MYO7B: variants seen among roughly 807,000 people sequenced by gnomAD.
MYO7B encodes myosin VIIB, also known as unconventional myosin-VIIb.
Under a neutral mutation model 259.7 loss-of-function variants are expected in MYO7B, and 212 were observed. That is an observed-to-expected ratio of 0.82 (90% CI 0.73 to 0.91). MYO7B has a LOEUF of 0.91. MYO7B is among the 40% of genes least tolerant of loss of function. MYO7B has a pLI of 0.00. For synonymous variants in MYO7B, 1,197 were observed against 1,166.4 expected (o/e 1.03, Z -0.54); for missense variants, 2,732 against 2,813.5 (o/e 0.97, Z 0.66).
At chr2:127,547,514 G>T (rs2104809150) in intron 1 of MYO7B, among the ~76,000 whole-genome samples, 1 of 152,316 alleles carries the variant, frequency 6.6e-6, no homozygotes, top group African/African-American at 2.4e-5. Context: ...CTGGGGGGAA[G>T]AGGTAAGATA....
intron 17 of MYO7B, 83 bp from the exon 18 acceptor site, chr2:127,593,463 G>A: frequency 3.0e-6 from 4 of 1,337,278 alleles, no homozygotes; most frequent in Non-Finnish European, 4.2e-6. Context: ...GCCTGTGGGA[G>A]AAGGAGGGAG....
chr2:127,575,021 T>TGC (rs1678806387), intron 7 of MYO7B, among the ~76,000 whole-genome samples: 1 of 151,786 alleles, frequency 6.6e-6, no homozygotes, highest in Non-Finnish European at 1.5e-5. Context: ...TGCAAATGAG[T>TGC]GCACACACAC....
chr2:127,560,822 C>T (rs1678054436), intron 2 of MYO7B, among the ~76,000 whole-genome samples: 1 of 152,204 alleles, frequency 6.6e-6, no homozygotes, highest in African/African-American at 2.4e-5. Flanking sequence ...CACAGGACAT[C>T]GTTCCTGGCT....
intron 20 of MYO7B, among the ~76,000 whole-genome samples, chr2:127,606,824 G>A (rs1260985241): frequency 1.3e-5 from 2 of 152,232 alleles, no homozygotes; most frequent in Non-Finnish European, 1.5e-5. Context: ...CCACACGGGT[G>A]TGCTAGCCCG....
At chr2:127,610,819 C>T (rs1302949589) in intron 24 of MYO7B, among the ~76,000 whole-genome samples, 3 of 152,250 alleles carry the variant, frequency 2.0e-5, no homozygotes, top group African/African-American at 4.8e-5. Context: ...CATGGCCAAC[C>T]TTGTCCAGGA....
chr2:127,573,856 A>G (rs1678746775), intron 6 of MYO7B, 64 bp from the exon 7 acceptor site: 2 of 1,598,354 alleles, frequency 1.3e-6, no homozygotes, highest in Non-Finnish European at 1.7e-6. Context: ...CTCTTACATG[A>G]TCCCACTCAA....
At chr2:127,557,028 G>C (rs1677857324) in intron 1 of MYO7B, among the ~76,000 whole-genome samples, 1 of 152,064 alleles carries the variant, frequency 6.6e-6, no homozygotes, top group Non-Finnish European at 1.5e-5. Context: ...ATTATTCTTA[G>C]GTTTGGTTGT....
chr2:127,628,302 C>A lies in MYO7B; in HGVS notation c.4461-70C>A, dbSNP rs542767060. On this transcript the variant is annotated intron_variant, in intron 33 of 47. Transcript: ENST00000409816. The surrounding 1 kb of genome is among the most constrained non-coding windows in gnomAD (Gnocchi z 4.8). ...ACTCAGGACCCCCAACCCCACCTCC[C>A]GAGGCTGTTTAGGGGCTGGATCAGG... 7 of 1,536,650 alleles carry A rather than the reference C, an allele frequency of 4.6e-6. 1 individual carries two copies. In the African/African-American group the frequency reaches 6.8e-5, roughly 15 times the overall value.
chr2:127,593,600 A>G lies in MYO7B; in HGVS notation c.2200A>G (p.Thr734Ala). The change falls in exon 18 of 48, where the codon ACA (threonine) becomes GCA (alanine). Residue 734 changes from threonine (T) to alanine (A), a missense_variant. By Grantham distance (58) the Thr-to-Ala change is moderately conservative (BLOSUM62 0). Around this residue, in one of 3 missense-constraint regions of MYO7B, gnomAD observed 1,906 missense variants for 2,026.4 expected, o/e 0.94. Transcript: ENST00000409816. ...GGGCATCACTGACGTGTGGCTGCGG[A>G]CAGACAAAGACTGGAAAGCGGGGAA... ...TLGITDVWLR[T>A]DKDWKAGKTK... 6.2e-7 allele frequency: 1 copy of G among 1,613,702 alleles called. No homozygotes were observed. The highest frequency in any genetic ancestry group is 8.5e-7 in the Non-Finnish European group (1 of 1,179,830).
intron 1 of MYO7B, among the ~76,000 whole-genome samples, chr2:127,543,449 T>C (rs954320300): frequency 6.6e-5 from 10 of 152,092 alleles, no homozygotes; most frequent in Admixed American, 6.6e-4. Flanking sequence ...CATCTCAAGG[T>C]AGAAGAATTT....
chr2:127,607,372 C>T lies in MYO7B; in HGVS notation c.2591C>T (p.Ala864Val), dbSNP rs1395037855. The T allele has an allele frequency of 6.4e-7, 1 of 1,551,408 alleles. No individual in the cohort carries two copies. ...AGGAGGGCAGTGGTGGTCATTCAGGCCCATGCCAGGGGCATGGCTGCCCGG... is the reference window on the plus strand; with the variant it reads ...AGGAGGGCAGTGGTGGTCATTCAGGTCCATGCCAGGGGCATGGCTGCCCGG... ...AKRRAVVVIQ[A>V]HARGMAARRN... is the part of the protein sequence containing the mutation. The change falls in exon 21 of 48, where the codon GCC becomes GTC. Residue 864 changes from alanine to valine, a missense_variant. This residue lies in a region of MYO7B where 1,906 missense variants were observed against 2,026.4 expected (regional missense o/e 0.94). Transcript: ENST00000409816. The surrounding 1 kb of genome is among the most constrained non-coding windows in gnomAD (Gnocchi z 4.4).
In MYO7B at chr2:127,566,674, A is replaced by C. The variant is rs1558803585; in HGVS notation, c.317A>C (p.Asn106Thr). 6.2e-7 allele frequency: 1 copy of C among 1,601,240 alleles called. No individual in the cohort carries two copies. Among genetic ancestry groups the C allele is most frequent in the Non-Finnish European group, 8.5e-7 (1 of 1,174,908 alleles). Residue 106 changes from asparagine to threonine, a missense_variant, in exon 5 of 48, where the codon AAC (asparagine) becomes ACC (threonine). Physicochemically the swap from Asn to Thr is moderately conservative, Grantham distance 65. Around this residue, in one of 3 missense-constraint regions of MYO7B, gnomAD observed 1,906 missense variants for 2,026.4 expected, o/e 0.94. Coordinates refer to ENST00000409816, the MANE Select transcript of MYO7B (RefSeq NM_001393586.1). Reference sequence around the variant, plus strand: ...ACAGGCTCCATCCTGGTGGCCGTCAACCCGTTCCAGGTGCTGCCGCTCTAC... The same window carrying C: ...ACAGGCTCCATCCTGGTGGCCGTCACCCCGTTCCAGGTGCTGCCGCTCTAC... Reference protein sequence around the residue: ...TYTGSILVAVNPFQVLPLYTL... With the variant: ...TYTGSILVAVTPFQVLPLYTL...
chr2:127,595,353 C>A (rs1223342072), intron 18 of MYO7B, among the ~76,000 whole-genome samples: 1 of 151,978 alleles, frequency 6.6e-6, no homozygotes, highest in African/African-American at 2.4e-5. Context: ...TTGGATTCTT[C>A]TCTCTTTTCT....
chr2:127,584,247 C>T lies in MYO7B; in HGVS notation c.1469C>T (p.Thr490Ile), dbSNP rs932717344. 1 of 1,614,050 alleles carries T rather than the reference C, an allele frequency of 6.2e-7. No homozygotes were observed. Among genetic ancestry groups the T allele is most frequent in the Non-Finnish European group, 8.5e-7 (1 of 1,179,896 alleles). The change falls in exon 13 of 48, where the codon ACC becomes ATC. Residue 490 changes from threonine (T) to isoleucine (I), a missense_variant. Thr to Ile is a moderately conservative substitution (Grantham distance 89, BLOSUM62 -1). This residue lies in a region of MYO7B where 1,906 missense variants were observed against 2,026.4 expected (regional missense o/e 0.94). Coordinates refer to ENST00000409816, the MANE Select transcript of MYO7B (RefSeq NM_001393586.1). This position sits in a 1 kb window ranked among gnomAD's most constrained non-coding sequence, Gnocchi z 5.8. The stretch of plus-strand genomic sequence containing the variant: ...ATCTCCTGGGACTATATCCACTACA[C>T]CGACAATCGGCCCACCCTGGACCTG... ...ENISWDYIHY[T>I]DNRPTLDLLA...
chr2:127,593,045 C>G lies in MYO7B; in HGVS notation c.2145+99C>G, dbSNP rs913578338. 12 of 1,429,790 alleles carry G rather than the reference C, an allele frequency of 8.4e-6. No individual in the cohort carries two copies. The Admixed American group carries it at 2.4e-4, about 29-fold the overall frequency. 88.6% of individuals were successfully genotyped at this position (1,429,790 alleles called of 1,614,324 possible). ...AGTACCGAGGGGGTCTCCCGCTGCC[C>G]TCCCCGGCCCCAGCCTTGCGATGAG... On this transcript the variant is annotated intron_variant, in intron 17 of 47. Coordinates refer to ENST00000409816, the MANE Select transcript of MYO7B (RefSeq NM_001393586.1).
intron 22 of MYO7B, 67 bp downstream of exon 22, chr2:127,608,945 C>G (rs1680268890): frequency 6.5e-7 from 1 of 1,533,078 alleles, no homozygotes; most frequent in Non-Finnish European, 8.8e-7. Flanking sequence ...AGTCCGTGAA[C>G]TCAGTCCACC....
intron 9 of MYO7B, 46 bp downstream of exon 9, chr2:127,578,332 A>G (rs1252058985): frequency 6.2e-7 from 1 of 1,610,248 alleles, no homozygotes; most frequent in Non-Finnish European, 8.5e-7. Context: ...AGGGAGAGGG[A>G]AGGGGACAGG....
At chr2:127,633,880 G>GTCTTT (rs1237623846) in intron 40 of MYO7B, among the ~76,000 whole-genome samples, 6 of 152,200 alleles carry the variant, frequency 3.9e-5, no homozygotes, top group African/African-American at 1.4e-4. Context: ...CAGCACAATG[G>GTCTTT]TCTTTTTGGC....
Position 127,590,226 on chromosome 2 carries a change from G to T in MYO7B, c.1989G>T (p.Pro663=). 1 of 1,612,748 alleles carries T rather than the reference G, an allele frequency of 6.2e-7. No homozygotes were observed. The highest frequency in any genetic ancestry group is 8.5e-7 in the Non-Finnish European group (1 of 1,179,744). Residue 663 remains proline, a synonymous_variant, in exon 16 of 48, where the codon CCG becomes CCT. Transcript: ENST00000409816. This position sits in a 1 kb window ranked among gnomAD's most constrained non-coding sequence, Gnocchi z 4.6. The part of the protein sequence containing the change: ...RCIKPNEYKK[P]LLFDRELCLR... ...TCAAACCTAATGAGTACAAGAAGCC[G>T]CTGGTAATGACAGGAGGCTGGGGCA...
Sources: gnomAD v4.1 joint callset for allele counts (sites outside exome capture counted in the v4.1 genomes callset) on GRCh38, gnomAD v4.1.1 for gene constraint, gnomAD v4.1.1 regional missense constraint, Gnocchi (gnomAD v3.1) non-coding constraint, MANE v1.5 for transcripts, NCBI Gene and HGNC (gene_info 2026-07-23, HGNC 2026-07-21) for gene names.